GANC: variants seen among roughly 807,000 people sequenced by gnomAD.
The protein encoded by GANC is neutral alpha-glucosidase C.
Under a neutral mutation model 124.2 loss-of-function variants are expected in GANC, and 117 were observed. That is an observed-to-expected ratio of 0.94 (90% CI 0.81 to 1.10). GANC has a LOEUF of 1.10. Ranked by LOEUF, GANC falls within the 50% of genes least tolerant of loss-of-function variation. The pLI, the probability that GANC is intolerant of heterozygous loss-of-function variation, is 0.00. For synonymous variants in GANC, 377 were observed against 376.8 expected (o/e 1.00, Z -0.01); for missense variants, 1,140 against 1,095.0 (o/e 1.04, Z -0.58).
In GANC at chr15:42,310,302, C is replaced by T. The variant is rs765674624; in HGVS notation, c.742C>T (p.Leu248Phe). The T allele has an allele frequency of 3.7e-6, 6 of 1,604,104 alleles. No individual in the cohort carries two copies. Among genetic ancestry groups the T allele is most frequent in the Non-Finnish European group, 4.3e-6 (5 of 1,174,660 alleles). ...TTTCAGTGATGGAGATGCTTACCGT[C>T]TTTATAACCTGGATGTCTATGGATA... is the stretch of plus-strand genomic sequence containing the variant. ...KNTGDGDAYR[L>F]YNLDVYGYQI... Residue 248 changes from leucine to phenylalanine, a missense_variant, in exon 9 of 24, where the codon CTT becomes TTT. Transcript: ENST00000318010.
chr15:42,348,295 A>G (rs2141083505), intron 21 of GANC, 79 bp downstream of exon 21: 2 of 797,960 alleles, frequency 2.5e-6, no homozygotes, highest in East Asian at 5.6e-5. Context: ...GACACTACGT[A>G]AAAGTGGTGA....
chr15:42,317,357 T>C (rs1413365319), intron 10 of GANC, among the ~76,000 whole-genome samples: 1 of 152,178 alleles, frequency 6.6e-6, no homozygotes, highest in Non-Finnish European at 1.5e-5. Flanking sequence ...AGCTATGATA[T>C]GCAAATTTGT....
At chr15:42,304,256 A>G (rs1331463280) in intron 6 of GANC, among the ~76,000 whole-genome samples, 1 of 152,200 alleles carries the variant, frequency 6.6e-6, no homozygotes, top group Non-Finnish European at 1.5e-5. Context: ...CTGAATGACT[A>G]CTGGGTAAAT....
intron 21 of GANC, among the ~76,000 whole-genome samples, chr15:42,348,446 G>T (rs891811470): frequency 1.4e-4 from 21 of 152,222 alleles, no homozygotes; most frequent in African/African-American, 4.3e-4. Flanking sequence ...CACTGTGAGT[G>T]TTGGTGCTCT....
chr15:42,334,288 A>T (rs2052267809), intron 15 of GANC, among the ~76,000 whole-genome samples: 1 of 151,912 alleles, frequency 6.6e-6, no homozygotes, highest in Admixed American at 6.6e-5. Flanking sequence ...CAGCCTCCTG[A>T]GTGGCTGGGA....
At chr15:42,289,716 T>C (rs149529244) in intron 4 of GANC, among the ~76,000 whole-genome samples, 1,566 of 152,280 alleles carry the variant, frequency 0.01, 26 homozygotes, top group African/African-American at 0.035. Flanking sequence ...CTATAGAGAA[T>C]GGGATACTAC....
intron 15 of GANC, among the ~76,000 whole-genome samples, chr15:42,336,039 T>C (rs1313554835): frequency 6.6e-6 from 1 of 151,914 alleles, no homozygotes; most frequent in Non-Finnish European, 1.5e-5. Flanking sequence ...ATGGCCATAC[T>C]GCCCAAAGCA....
At chr15:42,284,612 G>C (rs2051768362) in intron 3 of GANC, among the ~76,000 whole-genome samples, 1 of 152,174 alleles carries the variant, frequency 6.6e-6, no homozygotes, top group South Asian at 2.1e-4. Flanking sequence ...CAGCTTCTCT[G>C]TGTAATTGGA....
chr15:42,305,863 T>C (rs1451541778), intron 6 of GANC, among the ~76,000 whole-genome samples: 3 of 151,648 alleles, frequency 2.0e-5, no homozygotes, highest in Non-Finnish European at 4.4e-5. Context: ...AAACACCACA[T>C]GTTCTCACTC....
At chr15:42,321,189 A>G (rs1032119409) in intron 10 of GANC, among the ~76,000 whole-genome samples, 1 of 152,188 alleles carries the variant, frequency 6.6e-6, no homozygotes, top group African/African-American at 2.4e-5. Context: ...TTTCTAAAAT[A>G]TAGGTCTGCT....
chr15:42,291,433 A>G (rs546585616), intron 4 of GANC, among the ~76,000 whole-genome samples: 25 of 152,268 alleles, frequency 1.6e-4, no homozygotes, highest in Non-Finnish European at 1.6e-4. Context: ...ACAGACTTAG[A>G]GAGATAAAGA....
At chr15:42,330,125 A>G (rs990839262) in intron 14 of GANC, among the ~76,000 whole-genome samples, 2 of 152,028 alleles carry the variant, frequency 1.3e-5, no homozygotes, top group African/African-American at 2.4e-5. Flanking sequence ...TAGTTTTCAG[A>G]TTGTGTGTGT....
At chr15:42,288,210 T>G (rs1340654162) in intron 4 of GANC, among the ~76,000 whole-genome samples, 1 of 152,178 alleles carries the variant, frequency 6.6e-6, no homozygotes, top group Admixed American at 6.5e-5. Context: ...GGAGATCTAA[T>G]ACGCTAGCCA....
At position 42,352,357 on chromosome 15, in the gene GANC, T is replaced by C. The variant is rs180739915; in HGVS notation, c.*218T>C. 3.1e-3 allele frequency: 4,141 copies of C among 1,337,708 alleles called. 7 individuals carry two copies. Among genetic ancestry groups the C allele is most frequent in the Non-Finnish European group, 3.7e-3 (3,830 of 1,040,214 alleles). 82.9% of individuals were successfully genotyped at this position (1,337,708 alleles called of 1,614,324 possible). A position where few individuals can be genotyped will look rare whatever the true frequency, so the allele number is the denominator to read the frequency against. ...CTAACAATATTCCTTGTATCAAACA[T>C]CTCCTTTTCTCCCTGATACATAGCC... On this transcript the variant is annotated 3_prime_UTR_variant, in exon 24 of 24. Transcript: ENST00000318010.
At chr15:42,307,395 A>G (rs1228740211) in intron 7 of GANC, among the ~76,000 whole-genome samples, 2 of 145,454 alleles carry the variant, frequency 1.4e-5, no homozygotes, top group East Asian at 2.0e-4. Context: ...GTGCAGTGGC[A>G]TGATCATGGC....
chr15:42,281,678 C>T (rs900002123), intron 3 of GANC, among the ~76,000 whole-genome samples: 1 of 151,558 alleles, frequency 6.6e-6, no homozygotes, highest in Non-Finnish European at 1.5e-5. Context: ...CAGACACTGT[C>T]CAAAAAAAAT....
At position 42,278,591 on chromosome 15, in the gene GANC, G is replaced by GA; in HGVS notation, c.201+1_201+2insA. 2 of 1,593,734 alleles carry GA rather than the reference G, an allele frequency of 1.3e-6. No individual in the cohort carries two copies. The highest frequency in any genetic ancestry group is 2.2e-5 in the East Asian group (1 of 44,614). ...CCAAATCATCAATGAAGCAAGTAAG[G>GA]TGAGATGGAAGTATTTTCTACAGAG... is the stretch of plus-strand genomic sequence containing the variant. On this transcript the variant is annotated splice_donor_variant, in intron 3 of 23. Coordinates refer to ENST00000318010, the MANE Select transcript of GANC (RefSeq NM_198141.3). LOFTEE classifies it high-confidence loss of function.
intron 6 of GANC, among the ~76,000 whole-genome samples, chr15:42,303,479 T>G (rs1460758680): frequency 6.6e-6 from 1 of 152,122 alleles, no homozygotes; most frequent in East Asian, 1.9e-4. Flanking sequence ...AGTATCATAA[T>G]GACAGGATCA....
chr15:42,284,110 G>A (rs2051762689), intron 3 of GANC: 2 of 639,208 alleles, frequency 3.1e-6, no homozygotes, highest in Non-Finnish European at 5.7e-6. Context: ...ACATAACAGT[G>A]AAGAGTCCTG....
Sources: gnomAD v4.1 joint callset for allele counts (sites outside exome capture counted in the v4.1 genomes callset) on GRCh38, gnomAD v4.1.1 for gene constraint, MANE v1.5 for transcripts, NCBI Gene and HGNC (gene_info 2026-07-23, HGNC 2026-07-21) for gene names.